OIT3: variants seen among roughly 807,000 people sequenced by gnomAD.
OIT3 encodes oncoprotein-induced transcript 3 protein.
In OIT3, 41 loss-of-function variants were observed where a neutral mutation model predicts 52.2. The ratio of observed to expected loss-of-function variants is 0.79; its 90% confidence interval spans 0.61 to 1.02. OIT3 has a LOEUF of 1.02. OIT3 is among the 50% of genes least tolerant of loss of function. OIT3 has a pLI of 0.00. For missense variants in OIT3, 634 were observed against 715.5 expected (o/e 0.89, Z 1.30); for synonymous variants, 244 against 276.9 (o/e 0.88, Z 1.18).
chr10:72,894,731 C>A lies in OIT3; in HGVS notation c.61+872C>A, dbSNP rs190172505. On this transcript the variant is annotated intron_variant, in intron 1 of 8. Transcript: ENST00000334011. ...CGTCTCTACTAAAAATACATACACA[C>A]AAAAAAATTAGATGGTCATGGTGTT... 6.5e-3 allele frequency among the ~76,000 whole-genome samples: 994 copies of A among 151,848 alleles called. 15 individuals carry two copies. Among genetic ancestry groups the A allele is most frequent in the African/African-American group, 0.023 (933 of 41,428 alleles).
chr10:72,911,637 T>C, intron 4 of OIT3, 80 bp from the exon 5 acceptor site: 1 of 1,488,848 alleles, frequency 6.7e-7, no homozygotes, highest in Non-Finnish European at 9.1e-7. Context: ...AAGTTAAGTA[T>C]AATCCCTGAT....
chr10:72,918,542 C>A, intron 6 of OIT3: 1 of 1,350,908 alleles, frequency 7.4e-7, no homozygotes. Flanking sequence ...CATCGGGTGG[C>A]GGCACACACT....
At chr10:72,916,210 A>T (rs1399888237) in intron 6 of OIT3, among the ~76,000 whole-genome samples, 12 of 152,050 alleles carry the variant, frequency 7.9e-5, no homozygotes, top group Admixed American at 7.9e-4. Flanking sequence ...CAGCATGTGC[A>T]GGTTTGTTAC....
intron 5 of OIT3, 109 bp downstream of exon 5, chr10:72,911,948 C>A: frequency 1.1e-6 from 1 of 939,170 alleles, no homozygotes; most frequent in Non-Finnish European, 1.6e-6. Context: ...TCTTTTAGAA[C>A]AATGGCTCTT....
intron 7 of OIT3, among the ~76,000 whole-genome samples, chr10:72,926,702 G>A (rs1229644470): frequency 1.3e-5 from 2 of 152,144 alleles, no homozygotes; most frequent in African/African-American, 4.8e-5. Flanking sequence ...AAGGGCATCT[G>A]CAGATATGTG....
At chr10:72,924,088 C>A (rs1846144821) in intron 6 of OIT3, 141 bp from the exon 7 acceptor site, 24 of 729,088 alleles carry the variant, frequency 3.3e-5, no homozygotes, top group Middle Eastern at 3.1e-4. Context: ...GAAAAAAAAA[C>A]AAAACAAAAC....
intron 6 of OIT3, among the ~76,000 whole-genome samples, chr10:72,917,079 G>C (rs968536766): frequency 6.6e-6 from 1 of 151,950 alleles, no homozygotes; most frequent in African/African-American, 2.4e-5. Flanking sequence ...ACCTTCATCA[G>C]AGAAAAAAAT....
intron 3 of OIT3, among the ~76,000 whole-genome samples, chr10:72,902,017 C>T (rs562263519): frequency 5.4e-4 from 82 of 152,082 alleles, no homozygotes; most frequent in Non-Finnish European, 9.4e-4. Context: ...CCAGCCAGGG[C>T]GAAAGAGCAA....
intron 8 of OIT3, among the ~76,000 whole-genome samples, chr10:72,931,689 T>C (rs1846217839): frequency 6.6e-6 from 1 of 152,182 alleles, no homozygotes; most frequent in African/African-American, 2.4e-5. Context: ...GTCATAACAA[T>C]TTACAGGCAT....
At chr10:72,909,086 CCCT>C (rs1300458437) in intron 4 of OIT3, among the ~76,000 whole-genome samples, 3 of 150,386 alleles carry the variant, frequency 2.0e-5, no homozygotes, top group Non-Finnish European at 4.4e-5. Context: ...TCACCCTGCT[CCCT>C]CCTCCTACCT....
intron 8 of OIT3, 120 bp downstream of exon 8, chr10:72,930,757 A>G: frequency 3.1e-6 from 2 of 650,428 alleles, no homozygotes; most frequent in Non-Finnish European, 5.3e-6. Context: ...GGCTCAAGAG[A>G]AAAACAGAGA....
rs1845868168 is a variant in OIT3, at chr10:72,895,527, AG to A, written c.61+1673del. On this transcript the variant is annotated intron_variant, in intron 1 of 8. Transcript: ENST00000334011. ...AGAAGAGGAAAAGAAGGGATGAGAA[AG>A]GGGGAAGCAAAGTGGGGTGATGAGG... 2.6e-5 allele frequency among the ~76,000 whole-genome samples: 4 copies of A among 152,314 alleles called. No homozygotes were observed. The South Asian group carries it at 8.3e-4, about 32-fold the overall frequency.
Position 72,913,472 on chromosome 10 carries a change from G to A in OIT3, c.951+4G>A. The A allele has an allele frequency of 6.2e-7, 1 of 1,600,150 alleles. No individual in the cohort carries two copies. The highest frequency in any genetic ancestry group is 1.1e-5 in the South Asian group (1 of 90,264). On this transcript the variant is annotated splice_donor_region_variant and intron_variant, in intron 6 of 8. Transcript: ENST00000334011. ...GACATGTGGTACAGTGGTCGATGTA[G>A]GTTCCTCCTGGAGGGCACTTGGGGA...
rs1477433255 is a variant in OIT3 at position 72,906,595 on chromosome 10, G to C, written c.545-1G>C. ...GAAACAGTGTGGTTTCTCTTCTGCA[G>C]ATGAAAATGAATGTGAGCAAAACAA... On this transcript the variant is annotated splice_acceptor_variant, in intron 3 of 8. Coordinates refer to ENST00000334011, the MANE Select transcript of OIT3 (RefSeq NM_152635.3). LOFTEE classifies it high-confidence loss of function. 6.2e-7 allele frequency: 1 copy of C among 1,613,872 alleles called. No homozygotes were observed.
chr10:72,896,496 A>G (rs1286213695), intron 1 of OIT3, among the ~76,000 whole-genome samples: 2 of 152,204 alleles, frequency 1.3e-5, no homozygotes, highest in Non-Finnish European at 1.5e-5. Context: ...TGTTTCTGCC[A>G]TTTGCAACCC....
Position 72,930,625 on chromosome 10 carries a change from CA to C in OIT3, c.1458del (p.Asp487ThrfsTer48). 6.2e-7 allele frequency: 1 copy of C among 1,604,630 alleles called. No homozygotes were observed. Among genetic ancestry groups the C allele is most frequent in the Non-Finnish European group, 8.5e-7 (1 of 1,172,092 alleles). ...FQVPVFKFVG[K>X]DHKEVFLHCR... ...AGGTCCCTGTCTTCAAGTTTGTGGG[CA>C]AAGACCACAAGGTGAGTTGAACATC... On this transcript the variant is annotated frameshift_variant, in exon 8 of 9. Coordinates refer to ENST00000334011, the MANE Select transcript of OIT3 (RefSeq NM_152635.3). LOFTEE classifies it high-confidence loss of function.
chr10:72,917,978 TTCATCATTATCA>T, intron 6 of OIT3: 2 of 830,010 alleles, frequency 2.4e-6, no homozygotes, highest in Non-Finnish European at 4.1e-6. Context: ...CCTCATTATC[TTCATCATTATCA>T]TCATTATCTT....
At chr10:72,926,800 G>A (rs933208010) in intron 7 of OIT3, among the ~76,000 whole-genome samples, 4 of 152,034 alleles carry the variant, frequency 2.6e-5, no homozygotes, top group Admixed American at 2.6e-4. Flanking sequence ...TCAGGGACTA[G>A]GTTTACTTTT....
intron 6 of OIT3, among the ~76,000 whole-genome samples, chr10:72,923,562 A>G (rs796220160): frequency 6.6e-6 from 1 of 151,864 alleles, no homozygotes; most frequent in East Asian, 1.9e-4. Flanking sequence ...TCTGGAGGCT[A>G]AAACAGCTAA....
Sources: allele counts gnomAD v4.1 joint callset (sites outside exome capture counted in the v4.1 genomes callset), GRCh38; gene constraint gnomAD v4.1.1; transcripts MANE v1.5; gene names NCBI Gene and HGNC (gene_info 2026-07-23, HGNC 2026-07-21).